The following EML1 variants were observed in gnomAD, a reference collection of about 807,000 sequenced individuals.
EML1 encodes the protein echinoderm microtubule-associated protein-like 1.
A neutral mutation model predicts 110.4 loss-of-function variants in EML1; 27 were observed. The ratio of observed to expected loss-of-function variants is 0.24; its 90% confidence interval spans 0.18 to 0.34. The LOEUF is 0.34. Ranked by LOEUF, EML1 falls within the 10% of genes least tolerant of loss-of-function variation. The pLI, the probability that EML1 is intolerant of heterozygous loss-of-function variation, is 1.00. For synonymous variants in EML1, 344 were observed against 385.8 expected (o/e 0.89, Z 1.27); for missense variants, 741 against 1,030.9 (o/e 0.72, Z 3.85).
At chr14:99,808,888 C>G (rs1182616505) in intron 1 of EML1, among the ~76,000 whole-genome samples, 2 of 152,138 alleles carry the variant, frequency 1.3e-5, no homozygotes, top group East Asian at 3.9e-4. Context: ...TTCTCACAAC[C>G]AAACTCTAAG....
chr14:99,875,662 G>A lies in EML1; in HGVS notation c.384-2823G>A, dbSNP rs569213991. 2.6e-4 allele frequency among the ~76,000 whole-genome samples: 40 copies of A among 152,272 alleles called. 1 individual carries two copies. In the South Asian group the frequency reaches 7.3e-3, roughly 28 times the overall value. On this transcript the variant is annotated intron_variant, in intron 3 of 21. Coordinates refer to ENST00000262233, the MANE Select transcript of EML1 (RefSeq NM_004434.3). ...CGGCTGCAAAATCTCCCAGGGCCCC[G>A]GCAGCTGGTTGGGCAAAGTGTGCAT...
At chr14:99,847,308 C>T (rs187064437) in intron 1 of EML1, among the ~76,000 whole-genome samples, 2 of 152,252 alleles carry the variant, frequency 1.3e-5, no homozygotes, top group East Asian at 3.9e-4. Context: ...GTTAAGTCAA[C>T]ACGGTTTATA....
At chr14:99,916,857 C>T (rs531218918) in intron 15 of EML1, among the ~76,000 whole-genome samples, 5 of 152,344 alleles carry the variant, frequency 3.3e-5, no homozygotes, top group African/African-American at 9.6e-5. Context: ...GTCTGTACCG[C>T]GAAGCCTTGG....
chr14:99,739,501 C>T (rs1212203857), intron 1 of EML1, among the ~76,000 whole-genome samples: 2 of 152,186 alleles, frequency 1.3e-5, no homozygotes, highest in Non-Finnish European at 2.9e-5. Context: ...GCCTCACCAT[C>T]CCTTCCCCAT....
At chr14:99,901,427 A>G (rs1251841719) in intron 9 of EML1, among the ~76,000 whole-genome samples, 1 of 152,166 alleles carries the variant, frequency 6.6e-6, no homozygotes, top group Non-Finnish European at 1.5e-5. Context: ...ACCCCAAGGG[A>G]GAGTTCTTGG....
chr14:99,915,975 G>A (rs1417624411), intron 15 of EML1, among the ~76,000 whole-genome samples: 3 of 152,204 alleles, frequency 2.0e-5, no homozygotes, highest in South Asian at 4.1e-4. Flanking sequence ...AGGTGGAAGG[G>A]CCCAAGGGGC....
upstream of EML1, chr14:99,792,630 C>T (rs1328516002): frequency 3.9e-5 from 6 of 152,234 alleles, no homozygotes; most frequent in African/African-American, 1.4e-4. Flanking sequence ...GTTAACAAGC[C>T]TGTAACGTGA....
chr14:99,899,712 C>G lies in EML1; in HGVS notation c.898-1217C>G, dbSNP rs534057436. Among the ~76,000 whole-genome samples the G allele has an allele frequency of 1.1e-3, 112 of 103,134 alleles. 1 individual carries two copies. Among genetic ancestry groups the G allele is most frequent in the African/African-American group, 4.8e-3 (109 of 22,610 alleles). 67.7% of individuals were successfully genotyped at this position (103,134 alleles called of 152,430 possible). On this transcript the variant is annotated intron_variant, in intron 8 of 21. Transcript: ENST00000262233. ...ATTTACTTAAATTGAATGGGTCTTT[C>G]AATTTTTTTTTTTTTAATGTTAAAT... is the stretch of plus-strand genomic sequence containing the variant.
At chr14:99,888,820 G>T (rs1031715531) in intron 4 of EML1, among the ~76,000 whole-genome samples, 1 of 146,346 alleles carries the variant, frequency 6.8e-6, no homozygotes, top group Non-Finnish European at 1.5e-5. Flanking sequence ...GGGGAGAAAA[G>T]GGGAGCCCTC....
chr14:99,763,029 T>A (rs2057330812), intron 1 of EML1, among the ~76,000 whole-genome samples: 1 of 152,184 alleles, frequency 6.6e-6, no homozygotes, highest in Non-Finnish European at 1.5e-5. Context: ...AATTGAATCA[T>A]GGGGCAGGTC....
intron 9 of EML1, among the ~76,000 whole-genome samples, chr14:99,902,772 G>A (rs967518210): frequency 3.9e-5 from 6 of 152,052 alleles, no homozygotes; most frequent in African/African-American, 1.4e-4. Flanking sequence ...CTCTCCTCTT[G>A]GGGGGTCCCA....
intron 2 of EML1, among the ~76,000 whole-genome samples, chr14:99,865,136 C>T (rs1465326044): frequency 1.3e-5 from 2 of 152,186 alleles, no homozygotes; most frequent in African/African-American, 2.4e-5. Context: ...CTCACCATAA[C>T]GTAGAATCAG....
intron 2 of EML1, among the ~76,000 whole-genome samples, chr14:99,859,281 A>C (rs2058959436): frequency 6.6e-6 from 1 of 152,186 alleles, no homozygotes; most frequent in African/African-American, 2.4e-5. Context: ...AGGTGGTTTA[A>C]ATAGTATGAA....
chr14:99,814,746 C>T (rs534711495), intron 1 of EML1, among the ~76,000 whole-genome samples: 11 of 152,192 alleles, frequency 7.2e-5, no homozygotes, highest in Non-Finnish European at 1.5e-4. Context: ...GACCAGTTAG[C>T]ATGCAGCCAA....
intron 1 of EML1, among the ~76,000 whole-genome samples, chr14:99,798,159 A>C (rs2057809773): frequency 6.6e-6 from 1 of 152,138 alleles, no homozygotes; most frequent in Admixed American, 6.5e-5. Context: ...TCTTATCCAT[A>C]TATTAGGTCA....
intron 17 of EML1, among the ~76,000 whole-genome samples, chr14:99,931,574 T>G (rs1394926022): frequency 1.3e-5 from 2 of 152,248 alleles, no homozygotes; most frequent in African/African-American, 4.8e-5. Flanking sequence ...AAATCCTAGC[T>G]TATTTCAGTG....
chr14:99,923,341 C>T (rs368533657), intron 17 of EML1, among the ~76,000 whole-genome samples: 7 of 152,254 alleles, frequency 4.6e-5, no homozygotes, highest in Middle Eastern at 3.4e-3. Context: ...CCTTTGGGGT[C>T]GTATCCAAGA....
intron 2 of EML1, among the ~76,000 whole-genome samples, chr14:99,858,436 C>T (rs896945384): frequency 6.6e-6 from 1 of 152,082 alleles, no homozygotes; most frequent in African/African-American, 2.4e-5. Flanking sequence ...TCACCCACCT[C>T]GGCCTCCCAA....
At chr14:99,800,757 T>G (rs1191193956) in intron 1 of EML1, among the ~76,000 whole-genome samples, 1 of 152,280 alleles carries the variant, frequency 6.6e-6, no homozygotes, top group Non-Finnish European at 1.5e-5. Flanking sequence ...AAACCATTTT[T>G]TGCAGAGTAC....
Sources: allele counts gnomAD v4.1 joint callset (sites outside exome capture counted in the v4.1 genomes callset), GRCh38; gene constraint gnomAD v4.1.1; transcripts MANE v1.5; gene names NCBI Gene and HGNC (gene_info 2026-07-23, HGNC 2026-07-21).